The following GPS2 variants were observed in gnomAD, a reference collection of about 807,000 sequenced individuals.
GPS2 encodes the protein GPS-2.
Under a neutral mutation model 48.1 loss-of-function variants are expected in GPS2, and 22 were observed. The observed-to-expected ratio is 0.46, with a 90% CI of 0.33 to 0.65. The LOEUF (loss-of-function observed/expected upper bound fraction) is 0.65, where lower values mean the gene tolerates loss of function less well. Ranked by LOEUF, GPS2 falls within the 30% of genes least tolerant of loss-of-function variation. The pLI is 0.03. For synonymous variants in GPS2, 202 were observed against 142.5 expected, an observed-to-expected ratio of 1.42 and a Z score of -2.98; for missense variants, 366 against 406.8, an observed-to-expected ratio of 0.90 and a Z score of 0.86.
chr17:7,315,201 C>T (rs1156767604), intron 1 of GPS2, 82 bp from the exon 2 acceptor site: 9 of 428,770 alleles, frequency 2.1e-5, no homozygotes, highest in South Asian at 5.5e-5. Flanking sequence ...CCGCCCCGGT[C>T]ACGTGTCCCA....
intron 1 of GPS2, 46 bp from the exon 2 acceptor site, chr17:7,315,165 G>A (rs2072922084): frequency 1.5e-6 from 1 of 664,776 alleles, no homozygotes; most frequent in Non-Finnish European, 2.2e-6. Context: ...CGGCCCAGGC[G>A]GAAGCCCGTC....
chr17:7,313,677 T>C lies in GPS2; in HGVS notation c.525A>G (p.Pro175=), dbSNP rs1392169930. The C allele has an allele frequency of 3.1e-6, 5 of 1,614,194 alleles. No individual in the cohort carries two copies. Among genetic ancestry groups the C allele is most frequent in the Non-Finnish European group, 3.4e-6 (4 of 1,180,038 alleles). Residue 175 remains proline (P), a synonymous_variant, in exon 7 of 11, where the codon CCA becomes CCG. Coordinates refer to ENST00000380728, the MANE Select transcript of GPS2 (RefSeq NM_004489.5). The part of the protein sequence containing the change: ...VGSAAAFAGT[P]EHGQFQGSPG... ...GACTGCCTTGGAATTGTCCATGCTC[T>C]GGTGTCCCTGCAAAAGCAGCTGCTG...
In GPS2 at chr17:7,313,211, C is replaced by A; in HGVS notation, c.804+1G>T. The A allele has an allele frequency of 6.2e-7, 1 of 1,613,976 alleles. No homozygotes were observed. Among genetic ancestry groups the A allele is most frequent in the Non-Finnish European group, 8.5e-7 (1 of 1,179,820 alleles). Reference sequence around the variant, plus strand: ...CTGACCTCCCAAGGTGCCATACTCACTGAGTCGGAGAAGCCAGTCTGCTGG... The same window carrying A: ...CTGACCTCCCAAGGTGCCATACTCAATGAGTCGGAGAAGCCAGTCTGCTGG... On this transcript the variant is annotated splice_donor_variant, in intron 9 of 10. Transcript: ENST00000380728. LOFTEE classifies it high-confidence loss of function.
In GPS2 at chr17:7,313,014, T is replaced by C. The variant is rs1315398610; in HGVS notation, c.900+15A>G. On this transcript the variant is annotated intron_variant, in intron 10 of 10. Transcript: ENST00000380728. ...TGTAGGGATTCTGACAGGTAAATTC[T>C]ATTACCATTCTTACCTTTCCTGCTG... is the stretch of plus-strand genomic sequence containing the variant. The C allele has an allele frequency of 6.5e-7, 1 of 1,534,662 alleles. No individual in the cohort carries two copies. Among genetic ancestry groups the C allele is most frequent in the African/African-American group, 1.4e-5 (1 of 72,760 alleles).
Position 7,312,735 on chromosome 17 carries a change from G to A in GPS2, c.*21C>T, listed in dbSNP as rs370539781. ...CCCACGATGGGGTGGGGGGTGTGGTGTTGAAGATATAATCTGATGGTCACT... is the reference window on the plus strand; with the variant it reads ...CCCACGATGGGGTGGGGGGTGTGGTATTGAAGATATAATCTGATGGTCACT... On this transcript the variant is annotated 3_prime_UTR_variant, in exon 11 of 11. Coordinates refer to ENST00000380728, the MANE Select transcript of GPS2 (RefSeq NM_004489.5). 4 of 1,591,678 alleles carry A rather than the reference G, an allele frequency of 2.5e-6. No homozygotes were observed. The highest frequency in any genetic ancestry group is 3.4e-6 in the Non-Finnish European group (4 of 1,159,636).
rs866135846 is a variant in GPS2 at position 7,314,988 on chromosome 17, A to C, written c.65T>G (p.Ile22Ser). 9 of 1,601,198 alleles carry C rather than the reference A, an allele frequency of 5.6e-6. No individual in the cohort carries two copies. The highest frequency in any genetic ancestry group is 6.8e-6 in the Non-Finnish European group (8 of 1,174,564). ...NAMARALHRH[I>S]MMERERKRQE... is the part of the protein sequence containing the mutation. ...CCGCTTGCGCTCCCGCTCCATCATAATGTGCCGGTGCAGCGCCCTGGCCAT... is the reference window on the plus strand; with the variant it reads ...CCGCTTGCGCTCCCGCTCCATCATACTGTGCCGGTGCAGCGCCCTGGCCAT... Residue 22 changes from isoleucine (I) to serine (S), a missense_variant, in exon 2 of 11, where the codon ATT (isoleucine) becomes AGT (serine). Coordinates refer to ENST00000380728, the MANE Select transcript of GPS2 (RefSeq NM_004489.5).
At position 7,314,162 on chromosome 17, in the gene GPS2, G is replaced by A. The variant is rs375455317; in HGVS notation, c.318-3C>T. Reference sequence around the variant, plus strand: ...CTGATGTTAGGGTGGTCAGGTCACTGGAGTGAAAGGAAGACAGGTCAAAGT... The same window carrying A: ...CTGATGTTAGGGTGGTCAGGTCACTAGAGTGAAAGGAAGACAGGTCAAAGT... On this transcript the variant is annotated splice_polypyrimidine_tract_variant and splice_region_variant and intron_variant, in intron 4 of 10. Transcript: ENST00000380728. 5.6e-6 allele frequency: 9 copies of A among 1,611,494 alleles called. No homozygotes were observed. The African/African-American group carries it at 1.1e-4, about 19-fold the overall frequency.
rs1451164056 is a variant in GPS2 at position 7,313,441 on chromosome 17, G to A, written c.663C>T (p.Tyr221=). 2 of 1,614,142 alleles carry A rather than the reference G, an allele frequency of 1.2e-6. No homozygotes were observed. The highest frequency in any genetic ancestry group is 2.2e-5 in the East Asian group (1 of 44,882). Residue 221 remains tyrosine, a synonymous_variant, in exon 8 of 11, where the codon TAC becomes TAT. Coordinates refer to ENST00000380728, the MANE Select transcript of GPS2 (RefSeq NM_004489.5). ...AGGGCTGTGGCTGTGGCTGAGATAGGTACTGCACTGCAGGGAATGCCGAAG... is the reference window on the plus strand; with the variant it reads ...AGGGCTGTGGCTGTGGCTGAGATAGATACTGCACTGCAGGGAATGCCGAAG... The part of the protein sequence containing the change: ...RAPSAFPAVQ[Y]LSQPQPQPYA...
At chr17:7,312,925 G>C (rs538837723) in intron 10 of GPS2, 86 bp from the exon 11 acceptor site, 11 of 1,492,332 alleles carry the variant, frequency 7.4e-6, no homozygotes, top group South Asian at 2.3e-5. Context: ...CCCCCAAAGA[G>C]GAAGGAAAAA....
At chr17:7,314,657 G>A (rs2072913839) in intron 2 of GPS2, 60 bp from the exon 3 acceptor site, 1 of 1,609,832 alleles carries the variant, frequency 6.2e-7, no homozygotes, top group East Asian at 2.2e-5. Flanking sequence ...CAACGTTACA[G>A]ATTGAAGACC....
At position 7,313,309 on chromosome 17, in the gene GPS2, G is replaced by A. The variant is rs370397176; in HGVS notation, c.725-18C>T. ...GAGGAAACCTAGGTGGGGAAGAGGG[G>A]CATGTGAGATGAGAATGAAACAGGG... On this transcript the variant is annotated intron_variant, in intron 8 of 10. Coordinates refer to ENST00000380728, the MANE Select transcript of GPS2 (RefSeq NM_004489.5). 1 of 1,612,876 alleles carries A rather than the reference G, an allele frequency of 6.2e-7. No homozygotes were observed. Among genetic ancestry groups the A allele is most frequent in the Non-Finnish European group, 8.5e-7 (1 of 1,178,892 alleles).
chr17:7,313,420 C>T lies in GPS2; in HGVS notation c.684G>A (p.Gln228=). The change falls in exon 8 of 11, where the codon CAG becomes CAA. Residue 228 remains glutamine, a synonymous_variant. Transcript: ENST00000380728. ...GAAAGTGGCCATGCACAGCATAGGG[C>T]TGTGGCTGTGGCTGAGATAGGTACT... ...AVQYLSQPQP[Q]PYAVHGHFQP... is the part of the protein sequence containing the mutation. The T allele has an allele frequency of 3.7e-6, 6 of 1,614,068 alleles. No individual in the cohort carries two copies. The highest frequency in any genetic ancestry group is 2.2e-5 in the East Asian group (1 of 44,884).
Position 7,315,030 on chromosome 17 carries a change from G to A in GPS2, c.23C>T (p.Pro8Leu), listed in dbSNP as rs868127356. The A allele has an allele frequency of 2.5e-6, 4 of 1,603,148 alleles. No individual in the cohort carries two copies. The highest frequency in any genetic ancestry group is 3.4e-6 in the Non-Finnish European group (4 of 1,175,926). Reference protein sequence around the residue: MPALLERPKLSNAMARAL... With the variant: MPALLERLKLSNAMARAL... Reference sequence around the variant, plus strand: ...CCTGGCCATGGCGTTGGAAAGCTTGGGGCGCTCCAGGAGTGCGGGCATGGT... The same window carrying A: ...CCTGGCCATGGCGTTGGAAAGCTTGAGGCGCTCCAGGAGTGCGGGCATGGT... The change falls in exon 2 of 11, where the codon CCC (proline) becomes CTC (leucine). Residue 8 changes from proline (P) to leucine (L), a missense_variant. This residue lies in a region of GPS2 where 88 missense variants were observed against 107.4 expected (regional missense o/e 0.82). Coordinates refer to ENST00000380728, the MANE Select transcript of GPS2 (RefSeq NM_004489.5).
At chr17:7,312,980 G>T (rs1357115293) in intron 10 of GPS2, 49 bp downstream of exon 10, 4 of 1,466,532 alleles carry the variant, frequency 2.7e-6, no homozygotes, top group Non-Finnish European at 3.7e-6. Flanking sequence ...TGCTTTTCCG[G>T]ATCCCTAGTG....
chr17:7,314,039 C>T, intron 5 of GPS2, 41 bp downstream of exon 5: 1 of 1,611,142 alleles, frequency 6.2e-7, no homozygotes, highest in Non-Finnish European at 8.5e-7. Context: ...CTGTGACCTC[C>T]AAGAAGGCCG....
At position 7,312,771 on chromosome 17, in the gene GPS2, T is replaced by C. The variant is rs147653865; in HGVS notation, c.969A>G (p.Arg323=). ...LPFIQHSQNP[R]FYHK ...AATCTGATGGTCACTTGTGGTAGAA[T>C]CGCGGGTTCTGGCTGTGTTGGATGA... The change falls in exon 11 of 11, where the codon CGA becomes CGG. Residue 323 remains arginine, a synonymous_variant. Transcript: ENST00000380728. 4.1e-5 allele frequency: 66 copies of C among 1,613,702 alleles called. 1 individual carries two copies. The highest frequency in any genetic ancestry group is 3.3e-4 in the South Asian group (30 of 91,084).
chr17:7,314,399 A>T lies in GPS2; in HGVS notation c.209T>A (p.Leu70Gln), dbSNP rs778784405. The part of the protein sequence containing the change: ...MSLEETKEQI[L>Q]KLEEKLLALQ... ...AGCCAAAAGCTTCTCCTCCAACTTC[A>T]GAATCTGGGATGGGGTGGGAAAAGA... The change falls in exon 4 of 11, where the codon CTG (leucine) becomes CAG (glutamine). Residue 70 changes from leucine (L) to glutamine (Q), a missense_variant. Leu to Gln is a moderately radical substitution (Grantham distance 113). Transcript: ENST00000380728. 162 of 1,614,188 alleles carry T rather than the reference A, an allele frequency of 1.0e-4. 1 individual carries two copies. In the South Asian group the frequency reaches 1.6e-3, roughly 16 times the overall value.
chr17:7,313,672 T>C lies in GPS2; in HGVS notation c.530A>G (p.His177Arg), dbSNP rs769128301. The change falls in exon 7 of 11, where the codon CAT (histidine) becomes CGT (arginine). Residue 177 changes from histidine (H) to arginine (R), a missense_variant. This residue lies in a region of GPS2 where 275 missense variants were observed against 282.3 expected (regional missense o/e 0.97). Transcript: ENST00000380728. ...SAAAFAGTPE[H>R]GQFQGSPGGA... ...ACCAGGACTGCCTTGGAATTGTCCA[T>C]GCTCTGGTGTCCCTGCAAAAGCAGC... The C allele has an allele frequency of 4.3e-6, 7 of 1,614,208 alleles. No homozygotes were observed. Among genetic ancestry groups the C allele is most frequent in the Non-Finnish European group, 5.9e-6 (7 of 1,180,028 alleles).
At chr17:7,313,145 G>A (rs2072885566) in intron 9 of GPS2, 21 bp from the exon 10 acceptor site, 2 of 1,608,310 alleles carry the variant, frequency 1.2e-6, no homozygotes, top group Non-Finnish European at 1.7e-6. Context: ...CAGAGTCAGG[G>A]CCTGAGGCAT....
Sources: gnomAD v4.1 joint callset for allele counts on GRCh38, gnomAD v4.1.1 for gene constraint, gnomAD v4.1.1 regional missense constraint, MANE v1.5 for transcripts, NCBI Gene and HGNC (gene_info 2026-07-23, HGNC 2026-07-21) for gene names.